VWF: variants seen among roughly 807,000 people sequenced by gnomAD.
VWF encodes Factor VIII related antigen.
VWF carries 176 observed loss-of-function variants against 308.6 expected under a neutral mutation model. The ratio of observed to expected loss-of-function variants is 0.57; its 90% CI spans 0.50 to 0.65. VWF has a LOEUF of 0.65. Ranked by LOEUF, VWF falls within the 30% of genes least tolerant of loss-of-function variation. VWF has a pLI of 0.00. For synonymous variants in VWF, 1,385 were observed against 1,443.4 expected, an observed-to-expected ratio of 0.96 and a Z score of 0.92; for missense variants, 3,146 against 3,648.2, an observed-to-expected ratio of 0.86 and a Z score of 3.55.
rs370027395 is a variant in VWF, at chr12:5,958,010, TTCAA to T, written c.7888-4420_7888-4417del. ...ACGTTGTACATGAAATGTTATATTA[TTCAA>T]TCAAAGTGTACTGTGATAAGTCTAG... On this transcript the variant is annotated intron_variant, in intron 47 of 51. Transcript: ENST00000261405. Among the ~76,000 whole-genome samples, 430 of 152,282 alleles carry T rather than the reference TTCAA, an allele frequency of 2.8e-3. 2 individuals carry two copies. The highest frequency in any genetic ancestry group is 9.9e-3 in the African/African-American group (413 of 41,562).
chr12:5,974,705 G>A (rs1943513446), intron 43 of VWF, among the ~76,000 whole-genome samples: 1 of 152,196 alleles, frequency 6.6e-6, no homozygotes, highest in Non-Finnish European at 1.5e-5. Context: ...GTGTGAGAAA[G>A]CAAAACTTCT....
chr12:6,123,584 C>T (rs541381588), intron 1 of VWF, among the ~76,000 whole-genome samples: 19 of 152,298 alleles, frequency 1.2e-4, no homozygotes, highest in South Asian at 1.0e-3. Context: ...GAGTAGGAAC[C>T]GTCTTACACT....
At chr12:6,103,417 T>TGTGTGTATACACAC (rs574965769) in intron 5 of VWF, among the ~76,000 whole-genome samples, 3 of 118,666 alleles carry the variant, frequency 2.5e-5, no homozygotes, top group East Asian at 4.4e-4. Context: ...TATACACACG[T>TGTGTGTATACACAC]GTGTGTATAC....
intron 6 of VWF, among the ~76,000 whole-genome samples, chr12:6,091,358 A>T (rs756203023): frequency 3.3e-5 from 5 of 152,094 alleles, no homozygotes; most frequent in Non-Finnish European, 7.4e-5. Context: ...GGGTTTCTCT[A>T]CTTATGTACT....
chr12:5,967,369 G>T, intron 47 of VWF, 117 bp downstream of exon 47: 1 of 895,418 alleles, frequency 1.1e-6, no homozygotes, highest in Non-Finnish European at 1.9e-6. Context: ...GTCAATTATT[G>T]TTTATAATCA....
At chr12:6,040,382 T>A (rs149547049) in intron 18 of VWF, among the ~76,000 whole-genome samples, 1 of 152,252 alleles carries the variant, frequency 6.6e-6, no homozygotes, top group East Asian at 1.9e-4. Flanking sequence ...TGCTCCTGTG[T>A]GTGCTAATTC....
Position 6,019,924 on chromosome 12 carries a change from T to G in VWF, c.3675-181A>C, listed in dbSNP as rs1944112084. Among the ~76,000 whole-genome samples the G allele has an allele frequency of 6.6e-6, 1 of 152,076 alleles. No individual in the cohort carries two copies. Among genetic ancestry groups the G allele is most frequent in the Non-Finnish European group, 1.5e-5 (1 of 68,022 alleles). On this transcript the variant is annotated intron_variant, in intron 27 of 51. Coordinates refer to ENST00000261405, the MANE Select transcript of VWF (RefSeq NM_000552.5). The surrounding 1 kb of genome is among the most constrained non-coding windows in gnomAD (Gnocchi z 5.8). ...TCATTGTTTAACATCTGTCCCCAAA[T>G]AGCATGCCCCCCACCTTCAAAACAC...
chr12:6,090,324 C>A (rs1479550035), intron 6 of VWF, among the ~76,000 whole-genome samples: 2 of 152,120 alleles, frequency 1.3e-5, no homozygotes, highest in African/African-American at 4.8e-5. Context: ...GGTTCACAAA[C>A]CGCTCTAGAA....
chr12:6,123,095 G>C (rs1945448594), intron 2 of VWF, 47 bp downstream of exon 2: 2 of 1,611,718 alleles, frequency 1.2e-6, no homozygotes, highest in Admixed American at 1.7e-5. Flanking sequence ...TGTCACTCCA[G>C]ATGGCCCTGG....
chr12:5,994,261 T>C lies in VWF; in HGVS notation c.6257-58A>G, dbSNP rs545712437. The C allele has an allele frequency of 1.8e-5, 29 of 1,605,916 alleles. No individual in the cohort carries two copies. The South Asian group carries it at 2.1e-4, about 12-fold the overall frequency. The stretch of plus-strand genomic sequence containing the variant: ...CTGAGTGGCCCTGGGTACAAAAACA[T>C]TGATGCCAGAGACAGGCCATTCTTG... On this transcript the variant is annotated intron_variant, in intron 36 of 51. Coordinates refer to ENST00000261405, the MANE Select transcript of VWF (RefSeq NM_000552.5).
intron 6 of VWF, among the ~76,000 whole-genome samples, chr12:6,083,289 C>T (rs1250857051): frequency 6.6e-6 from 1 of 152,110 alleles, no homozygotes; most frequent in Non-Finnish European, 1.5e-5. Context: ...ACTGGGATTA[C>T]AGGCGTGAGC....
At chr12:5,982,111 G>T in intron 41 of VWF, 120 bp from the exon 42 acceptor site, 1 of 914,780 alleles carries the variant, frequency 1.1e-6, no homozygotes, top group Non-Finnish European at 1.7e-6. Context: ...AATGTGTGAG[G>T]GCCAAGCTCA....
At chr12:6,057,762 T>C in intron 14 of VWF, 87 bp downstream of exon 14, 1 of 1,444,356 alleles carries the variant, frequency 6.9e-7, no homozygotes. Context: ...CCCTCCGCGG[T>C]GGGAGCACTG....
intron 34 of VWF, among the ~76,000 whole-genome samples, chr12:6,009,542 T>G (rs1943968727): frequency 6.6e-6 from 1 of 152,034 alleles, no homozygotes; most frequent in Non-Finnish European, 1.5e-5. Context: ...TAAAGTGGTG[T>G]CGCGACTACA....
At position 5,994,524 on chromosome 12, in the gene VWF, C is replaced by T. The variant is rs2136386015; in HGVS notation, c.6147G>A (p.Glu2049=). 1 of 1,614,002 alleles carries T rather than the reference C, an allele frequency of 6.2e-7. No individual in the cohort carries two copies. The highest frequency in any genetic ancestry group is 8.5e-7 in the Non-Finnish European group (1 of 1,179,922). ...TGTGACCAAGGTGATTGAATCTGAC[C>T]TCATGCATGATGGCACCATAAACGT... ...EVNVYGAIMH[E]VRFNHLGHIF... is the part of the protein sequence containing the mutation. Residue 2049 remains glutamate, a synonymous_variant, in exon 36 of 52, where the codon GAG becomes GAA. Coordinates refer to ENST00000261405, the MANE Select transcript of VWF (RefSeq NM_000552.5).
chr12:6,086,098 C>T (rs1243661294), intron 6 of VWF, among the ~76,000 whole-genome samples: 3 of 152,214 alleles, frequency 2.0e-5, no homozygotes, highest in African/African-American at 7.2e-5. Flanking sequence ...GGTGCCTATC[C>T]ATGGGGGGTT....
At chr12:6,072,893 G>C (rs1944797073) in intron 8 of VWF, among the ~76,000 whole-genome samples, 1 of 148,518 alleles carries the variant, frequency 6.7e-6, no homozygotes, top group Non-Finnish European at 1.5e-5. Flanking sequence ...TTGAGACCGA[G>C]TCTCGTTCTG....
intron 38 of VWF, among the ~76,000 whole-genome samples, chr12:5,991,201 A>ACG (rs1943738551): frequency 7.2e-6 from 1 of 138,218 alleles, no homozygotes; most frequent in African/African-American, 2.6e-5. Context: ...ACACACACAC[A>ACG]CACACGCATG....
chr12:6,058,557 C>T lies in VWF; in HGVS notation c.1534-513G>A, dbSNP rs924434057. 6.6e-6 allele frequency among the ~76,000 whole-genome samples: 1 copy of T among 152,150 alleles called. No individual in the cohort carries two copies. The highest frequency in any genetic ancestry group is 6.5e-5 in the Admixed American group (1 of 15,286). On this transcript the variant is annotated intron_variant, in intron 13 of 51. Transcript: ENST00000261405. The surrounding 1 kb of genome is among the most constrained non-coding windows in gnomAD (Gnocchi z 4.9). ...GCAGGCTGCCAGGTGTGGTCCAAGC[C>T]CTCCGGGAGCTCACGGTTAATGACA...
Sources: allele counts gnomAD v4.1 joint callset (sites outside exome capture counted in the v4.1 genomes callset), GRCh38; gene constraint gnomAD v4.1.1; non-coding constraint Gnocchi (gnomAD v3.1); transcripts MANE v1.5; gene names NCBI Gene and HGNC (gene_info 2026-07-23, HGNC 2026-07-21).